The following PEX5L variants were observed in gnomAD, a reference collection of about 807,000 sequenced individuals.
PEX5L encodes peroxisomal biogenesis factor 5 like, also known as PEX5-related protein.
A neutral mutation model predicts 84.0 loss-of-function variants in PEX5L; 30 were observed. The ratio of observed to expected loss-of-function variants is 0.36; its 90% CI spans 0.27 to 0.48. The LOEUF (loss-of-function observed/expected upper bound fraction) is 0.48, where lower values mean the gene tolerates loss of function less well. Among genes scored for constraint, PEX5L ranks in the 20% least tolerant of loss-of-function variants. The pLI is 0.99. For missense variants in PEX5L, 533 were observed against 754.6 expected (o/e 0.71, Z 3.44); for synonymous variants, 270 against 283.1 (o/e 0.95, Z 0.46).
chr3:179,822,187 A>C (rs1728763310), intron 8 of PEX5L, among the ~76,000 whole-genome samples: 1 of 152,232 alleles, frequency 6.6e-6, no homozygotes, highest in Admixed American at 6.5e-5. Flanking sequence ...GGGTGATACG[A>C]GAGGCCAATG....
At chr3:179,994,544 G>A (rs1459945663) in intron 1 of PEX5L, among the ~76,000 whole-genome samples, 2 of 152,146 alleles carry the variant, frequency 1.3e-5, no homozygotes, top group Non-Finnish European at 2.9e-5. Context: ...TGACACCCCT[G>A]GATAGGGCCA....
intron 2 of PEX5L, among the ~76,000 whole-genome samples, chr3:179,962,044 C>G (rs903408753): frequency 6.6e-6 from 1 of 152,270 alleles, no homozygotes; most frequent in Non-Finnish European, 1.5e-5. Context: ...CTTTAAAAAT[C>G]TTTAATATCT....
chr3:179,809,073 CA>C (rs10684376), intron 12 of PEX5L, among the ~76,000 whole-genome samples: 7,354 of 46,692 alleles, frequency 0.16, 23 homozygotes, highest in South Asian at 0.21. Context: ...GATTCCGCCT[CA>C]AAAAAAAAAA....
At chr3:179,881,191 T>G (rs1754053047) in intron 4 of PEX5L, 1 of 152,528 alleles carries the variant, frequency 6.6e-6, no homozygotes, top group African/African-American at 2.4e-5. Context: ...GGGGATGGAT[T>G]TTTGCTGATG....
chr3:179,820,863 G>T (rs1310868953), intron 8 of PEX5L, among the ~76,000 whole-genome samples: 4 of 152,192 alleles, frequency 2.6e-5, no homozygotes, highest in Admixed American at 6.5e-5. Flanking sequence ...AAGAGAGACA[G>T]AATTTTCCAG....
intron 2 of PEX5L, 138 bp from the exon 3 acceptor site, chr3:179,898,384 G>A (rs1181522817): frequency 1.9e-6 from 1 of 532,624 alleles, no homozygotes; most frequent in African/African-American, 1.9e-5. Context: ...TGAGGCTTTT[G>A]GCTGAGGAGA....
intron 8 of PEX5L, among the ~76,000 whole-genome samples, chr3:179,827,276 C>T (rs983891690): frequency 1.3e-5 from 2 of 152,188 alleles, no homozygotes; most frequent in African/African-American, 4.8e-5. Context: ...TTTCTGCCTA[C>T]CTCTTCCTGA....
intron 2 of PEX5L, among the ~76,000 whole-genome samples, chr3:179,929,378 C>A (rs1341648290): frequency 6.6e-6 from 1 of 151,948 alleles, no homozygotes; most frequent in Non-Finnish European, 1.5e-5. Flanking sequence ...ATTTATTTGA[C>A]AAAAGAGTAG....
At chr3:179,965,281 C>G (rs1445728876) in intron 2 of PEX5L, among the ~76,000 whole-genome samples, 1 of 152,124 alleles carries the variant, frequency 6.6e-6, no homozygotes, top group Non-Finnish European at 1.5e-5. Context: ...GGAAAAAGTC[C>G]CAAAACAAAG....
At chr3:180,016,688 A>G (rs1789976852) in intron 1 of PEX5L, among the ~76,000 whole-genome samples, 1 of 152,228 alleles carries the variant, frequency 6.6e-6, no homozygotes, top group Admixed American at 6.5e-5. Flanking sequence ...TGAACTTCCA[A>G]GAACTCAGAC....
At chr3:179,803,479 C>T (rs1472276754) in intron 14 of PEX5L, among the ~76,000 whole-genome samples, 1 of 152,162 alleles carries the variant, frequency 6.6e-6, no homozygotes, top group Non-Finnish European at 1.5e-5. Context: ...TAGATGCTGT[C>T]TGAAGTCCTT....
At chr3:179,971,522 G>A in intron 2 of PEX5L, 72 bp downstream of exon 2, 1 of 1,493,596 alleles carries the variant, frequency 6.7e-7, no homozygotes, top group Non-Finnish European at 8.9e-7. Flanking sequence ...GAGAAGGGCT[G>A]AACACTCAAA....
chr3:180,036,503 CA>C (rs1328023951), intron 1 of PEX5L, 75 bp downstream of exon 1: 4 of 1,381,434 alleles, frequency 2.9e-6, no homozygotes, highest in South Asian at 2.3e-5. Context: ...AGCACTTGAC[CA>C]CAGAAACTTG....
intron 1 of PEX5L, among the ~76,000 whole-genome samples, chr3:179,975,021 A>G (rs1352656495): frequency 6.6e-6 from 1 of 151,934 alleles, no homozygotes; most frequent in Non-Finnish European, 1.5e-5. Context: ...ACATAGCAAA[A>G]CCTCATCTCT....
In PEX5L at chr3:180,036,756, C is replaced by A; in HGVS notation, c.-157G>T. 1.3e-6 allele frequency: 1 copy of A among 750,122 alleles called. No individual in the cohort carries two copies. Among genetic ancestry groups the A allele is most frequent in the Non-Finnish European group, 2.4e-6 (1 of 419,400 alleles). The allele number at this position is 750,122 out of a possible 1,614,324, so 46.5% of individuals were successfully genotyped here. ...TCCGGGTACTCGGCCGGCCGGCGGC[C>A]ACTCGGCAGCGCTGCGGGCTGCCGG... is the stretch of plus-strand genomic sequence containing the variant. On this transcript the variant is annotated 5_prime_UTR_variant, in exon 1 of 15. Transcript: ENST00000467460.
At chr3:179,898,120 G>T in intron 3 of PEX5L, 22 bp downstream of exon 3, 1 of 1,468,740 alleles carries the variant, frequency 6.8e-7, no homozygotes, top group Non-Finnish European at 9.5e-7. Context: ...GCTTCCTACA[G>T]AAACCCTATG....
At position 180,036,830 on chromosome 3, in the gene PEX5L, A is replaced by G. The variant is rs1791949953; in HGVS notation, c.-231T>C. 3.5e-6 allele frequency: 2 copies of G among 569,120 alleles called. No homozygotes were observed. The highest frequency in any genetic ancestry group is 3.8e-5 in the African/African-American group (2 of 53,220). The allele number at this position is 569,120 out of a possible 1,614,324, so 35.3% of individuals were successfully genotyped here. Reference sequence around the variant, plus strand: ...TGAAAGCGGACGCGGGAGAGCGCGCAGAGAAGGCGAGGAGCCGGGTCGGCC... The same window carrying G: ...TGAAAGCGGACGCGGGAGAGCGCGCGGAGAAGGCGAGGAGCCGGGTCGGCC... On this transcript the variant is annotated 5_prime_UTR_variant, in exon 1 of 15. Coordinates refer to ENST00000467460, the MANE Select transcript of PEX5L (RefSeq NM_016559.3).
intron 8 of PEX5L, among the ~76,000 whole-genome samples, chr3:179,822,328 TAC>T (rs1728816447): frequency 6.6e-6 from 1 of 152,206 alleles, no homozygotes; most frequent in African/African-American, 2.4e-5. Context: ...AAGGATGCAT[TAC>T]CTTTGTTGCA....
At chr3:179,915,560 G>A (rs1013737151) in intron 2 of PEX5L, among the ~76,000 whole-genome samples, 1 of 152,174 alleles carries the variant, frequency 6.6e-6, no homozygotes, top group Non-Finnish European at 1.5e-5. Context: ...TTGCAGTGAT[G>A]TATTATGTGA....
Sources: gnomAD v4.1 joint callset for allele counts (sites outside exome capture counted in the v4.1 genomes callset) on GRCh38, gnomAD v4.1.1 for gene constraint, MANE v1.5 for transcripts, NCBI Gene and HGNC (gene_info 2026-07-23, HGNC 2026-07-21) for gene names.